The following ACP7 variants were observed in gnomAD, a reference collection of about 807,000 sequenced individuals.
The protein encoded by ACP7 is acid phosphatase 7, tartrate resistant (putative).
A neutral mutation model predicts 60.6 loss-of-function variants in ACP7; 58 were observed. The observed-to-expected ratio is 0.96, with a 90% CI of 0.77 to 1.19. ACP7 has a LOEUF of 1.19. Ranked by LOEUF, ACP7 falls within the 50% of genes most tolerant of loss-of-function variation. ACP7 has a pLI of 0.00. For missense variants in ACP7, 574 were observed against 596.2 expected (o/e 0.96, Z 0.39); for synonymous variants, 237 against 232.6 (o/e 1.02, Z -0.17).
chr19:39,107,045 C>G lies in ACP7; in HGVS notation c.1212C>G (p.Asn404Lys). 1 of 1,614,082 alleles carries G rather than the reference C, an allele frequency of 6.2e-7. No homozygotes were observed. Among genetic ancestry groups the G allele is most frequent in the Non-Finnish European group, 8.5e-7 (1 of 1,180,002 alleles). Residue 404 changes from asparagine (N) to lysine (K), a missense_variant, in exon 12 of 13, where the codon AAC becomes AAG. Transcript: ENST00000331256. ...EYGYTRLHIL[N>K]GTHIHIQQVS... Reference sequence around the variant, plus strand: ...GGTATACGCGGCTGCACATCCTCAACGGGACCCACATCCACATCCAGCAGG... The same window carrying G: ...GGTATACGCGGCTGCACATCCTCAAGGGGACCCACATCCACATCCAGCAGG...
intron 2 of ACP7, among the ~76,000 whole-genome samples, chr19:39,088,934 ATT>A (rs112131941): frequency 1.6e-4 from 21 of 133,016 alleles, no homozygotes; most frequent in East Asian, 2.1e-4. Flanking sequence ...GTATTTTTGC[ATT>A]TTTTTTTTTT....
At chr19:39,095,120 A>T (rs925548851) in intron 2 of ACP7, among the ~76,000 whole-genome samples, 1 of 152,008 alleles carries the variant, frequency 6.6e-6, no homozygotes, top group African/African-American at 2.4e-5. Context: ...GCCCCTCCAA[A>T]TCTCATGTCC....
Position 39,109,435 on chromosome 19 carries a change from C to T in ACP7, c.1252-618C>T, listed in dbSNP as rs1478225245. On this transcript the variant is annotated intron_variant, in intron 12 of 12. Coordinates refer to ENST00000331256, the MANE Select transcript of ACP7 (RefSeq NM_001004318.3). ...TAAGGCCACCTAGAGGGTGGATGCG[C>T]TGGCCAGGTGCAGCAGCTCATGCCT... 1.2e-4 allele frequency among the ~76,000 whole-genome samples: 19 copies of T among 152,062 alleles called. 1 individual carries two copies. Among genetic ancestry groups the T allele is most frequent in the Non-Finnish European group, 7.4e-5 (5 of 68,012 alleles).
intron 2 of ACP7, among the ~76,000 whole-genome samples, chr19:39,097,928 C>T (rs1012065847): frequency 1.3e-5 from 2 of 152,008 alleles, no homozygotes; most frequent in African/African-American, 2.4e-5. Flanking sequence ...AACTGAGGCT[C>T]AGAGAGGTGA....
rs2073456691 is a variant in ACP7 at position 39,110,349 on chromosome 19, A to G, written c.*231A>G. ...GGCAGGTGTGCGGGCACAGAGTGACACACGGCAGGTTTCTGCTGGCAGGGC... is the reference window on the plus strand; with the variant it reads ...GGCAGGTGTGCGGGCACAGAGTGACGCACGGCAGGTTTCTGCTGGCAGGGC... On this transcript the variant is annotated 3_prime_UTR_variant, in exon 13 of 13. Transcript: ENST00000331256. 1.8e-6 allele frequency: 1 copy of G among 553,630 alleles called. No individual in the cohort carries two copies. Among genetic ancestry groups the G allele is most frequent in the Non-Finnish European group, 3.2e-6 (1 of 311,894 alleles). 34.3% of individuals were successfully genotyped at this position (553,630 alleles called of 1,614,324 possible).
intron 11 of ACP7, among the ~76,000 whole-genome samples, chr19:39,106,361 C>A (rs1293157770): frequency 6.6e-6 from 1 of 152,148 alleles, no homozygotes; most frequent in African/African-American, 2.4e-5. Context: ...TTAACTGACT[C>A]CCTGATGGGC....
rs67888880 is a variant in ACP7 at position 39,092,771 on chromosome 19, CTTTTTTT to C, written c.122-5669_122-5663del. Among the ~76,000 whole-genome samples the C allele has an allele frequency of 3.9e-3, 444 of 114,650 alleles. 3 individuals are homozygous for C. The highest frequency in any genetic ancestry group is 0.013 in the African/African-American group (429 of 32,240). The allele number at this position is 114,650 out of a possible 152,430, so 75.2% of individuals were successfully genotyped here. A position where few individuals can be genotyped will look rare whatever the true frequency, so the allele number is the denominator to read the frequency against. ...ATCCCTACTACTCTTTCCCATTCCT[CTTTTTTT>C]TTTTTTTTTTTTTTTTTGAGATGGA... is the stretch of plus-strand genomic sequence containing the variant. On this transcript the variant is annotated intron_variant, in intron 2 of 12. Transcript: ENST00000331256.
chr19:39,105,460 C>A (rs2073401487), intron 11 of ACP7, among the ~76,000 whole-genome samples: 1 of 152,170 alleles, frequency 6.6e-6, no homozygotes, highest in East Asian at 1.9e-4. Context: ...AGAAGTTGTG[C>A]ATCTTTGCTA....
Position 39,100,850 on chromosome 19 carries a change from C to T in ACP7, c.804C>T (p.Leu268=), listed in dbSNP as rs1161445242. 1.9e-6 allele frequency: 3 copies of T among 1,613,454 alleles called. No individual in the cohort carries two copies. Among genetic ancestry groups the T allele is most frequent in the South Asian group, 2.2e-5 (2 of 91,078 alleles). The change falls in exon 7 of 13, where the codon CTC becomes CTT. Residue 268 remains leucine, a synonymous_variant. Transcript: ENST00000331256. ...QRQFRWLESD[L]QKANKNRAAR... is the part of the protein sequence containing the mutation. Reference sequence around the variant, plus strand: ...AGTTTCGCTGGCTGGAGAGCGACCTCCAGGTAACCTGGGTGGAGGCCCCTA... The same window carrying T: ...AGTTTCGCTGGCTGGAGAGCGACCTTCAGGTAACCTGGGTGGAGGCCCCTA...
chr19:39,098,275 A>AAG (rs1555768111), intron 2 of ACP7, among the ~76,000 whole-genome samples, 183 bp from the exon 3 acceptor site: 18 of 126,682 alleles, frequency 1.4e-4, no homozygotes, highest in East Asian at 7.0e-4. Context: ...AAAAAAAAAA[A>AAG]AAAAGAAAAG....
intron 2 of ACP7, among the ~76,000 whole-genome samples, chr19:39,092,563 CT>C (rs376319960): frequency 1.3e-5 from 2 of 151,616 alleles, no homozygotes; most frequent in African/African-American, 4.8e-5. Flanking sequence ...TTATGTTATG[CT>C]TTTTTTTAAT....
chr19:39,098,428 C>G, intron 2 of ACP7, 30 bp from the exon 3 acceptor site: 1 of 1,476,278 alleles, frequency 6.8e-7, no homozygotes, highest in Admixed American at 2.2e-5. Context: ...GGCTTCACTC[C>G]CGGTCTACCC....
In ACP7 at chr19:39,100,565, C is replaced by T. The variant is rs1368445649; in HGVS notation, c.630-15C>T. 2 of 1,613,470 alleles carry T rather than the reference C, an allele frequency of 1.2e-6. No individual in the cohort carries two copies. Among genetic ancestry groups the T allele is most frequent in the South Asian group, 1.1e-5 (1 of 91,074 alleles). ...CAGTCCTTCACCTCCATCCCTTGTA[C>T]TTCCTTTATTCCAGCAACTTCTCTA... On this transcript the variant is annotated splice_polypyrimidine_tract_variant and intron_variant, in intron 5 of 12. Coordinates refer to ENST00000331256, the MANE Select transcript of ACP7 (RefSeq NM_001004318.3).
At chr19:39,103,017 T>C (rs544383607) in intron 11 of ACP7, among the ~76,000 whole-genome samples, 5 of 151,840 alleles carry the variant, frequency 3.3e-5, no homozygotes, top group Non-Finnish European at 7.4e-5. Flanking sequence ...TTTATATTTT[T>C]AGTAGAGATG....
intron 3 of ACP7, 143 bp from the exon 4 acceptor site, chr19:39,098,817 C>T: frequency 7.3e-7 from 1 of 1,364,494 alleles, no homozygotes; most frequent in Non-Finnish European, 9.8e-7. Context: ...ACGGAAGGTG[C>T]CGGGGAAGGC....
intron 2 of ACP7, among the ~76,000 whole-genome samples, chr19:39,090,457 CT>C (rs932620852): frequency 1.3e-5 from 2 of 151,416 alleles, no homozygotes; most frequent in Non-Finnish European, 2.9e-5. Flanking sequence ...GCATGAGCCA[CT>C]GTGCCCGGCC....
Position 39,100,616 on chromosome 19 carries a change from G to T in ACP7, c.666G>T (p.Pro222=). 6.2e-7 allele frequency: 1 copy of T among 1,613,952 alleles called. No individual in the cohort carries two copies. Among genetic ancestry groups the T allele is most frequent in the Non-Finnish European group, 8.5e-7 (1 of 1,179,948 alleles). Residue 222 remains proline (P), a synonymous_variant, in exon 6 of 13, where the codon CCG becomes CCT. Coordinates refer to ENST00000331256, the MANE Select transcript of ACP7 (RefSeq NM_001004318.3). ...FSNYKARFSM[P]GDNEGLWYSW... ...ACTACAAGGCTCGCTTCAGCATGCCGGGGGATAATGAGGGCCTGTGGTACA... is the reference window on the plus strand; with the variant it reads ...ACTACAAGGCTCGCTTCAGCATGCCTGGGGATAATGAGGGCCTGTGGTACA...
At chr19:39,087,100 G>A (rs10853726) in intron 2 of ACP7, among the ~76,000 whole-genome samples, 56,380 of 151,732 alleles carry the variant, frequency 0.37, 11,267 homozygotes, top group East Asian at 0.58. Context: ...CCTCTGCCCC[G>A]CAGGGTTCAA....
rs113263183 is a variant in ACP7, at chr19:39,107,164, C to T, written c.1251+80C>T. On this transcript the variant is annotated intron_variant, in intron 12 of 12. Coordinates refer to ENST00000331256, the MANE Select transcript of ACP7 (RefSeq NM_001004318.3). Reference sequence around the variant, plus strand: ...AAATGAGCTGTTAAAAACGTGGGCTCGGCCGGGCGCAGTGGCTCATGCCTG... The same window carrying T: ...AAATGAGCTGTTAAAAACGTGGGCTTGGCCGGGCGCAGTGGCTCATGCCTG... 1.5e-4 allele frequency: 213 copies of T among 1,389,172 alleles called. 9 individuals carry two copies. The Admixed American group carries it at 3.6e-3, about 23-fold the overall frequency. The allele number at this position is 1,389,172 out of a possible 1,614,324, so 86.1% of individuals were successfully genotyped here. A position where few individuals can be genotyped will look rare whatever the true frequency, so the allele number is the denominator to read the frequency against.
Sources: allele counts gnomAD v4.1 joint callset (sites outside exome capture counted in the v4.1 genomes callset), GRCh38; gene constraint gnomAD v4.1.1; transcripts MANE v1.5; gene names NCBI Gene and HGNC (gene_info 2026-07-23, HGNC 2026-07-21).